Variants in NF1 observed in about 807,000 individuals in gnomAD.
NF1 encodes the protein neurofibromin 1, also known as neurofibromin.
A neutral mutation model predicts 325.7 loss-of-function variants in NF1; 122 were observed. The observed-to-expected ratio is 0.37, with a 90% CI of 0.32 to 0.44. NF1 has a LOEUF of 0.44. Ranked by LOEUF, NF1 falls within the 20% of genes least tolerant of loss-of-function variation. The probability of loss-of-function intolerance (pLI) is 1.00; values close to 1 mark genes in which losing one functional copy is unlikely to be tolerated. For synonymous variants in NF1, 1,091 were observed against 1,186.0 expected (o/e 0.92, Z 1.65); for missense variants, 2,140 against 3,415.4 (o/e 0.63, Z 9.31).
At chr17:31,338,591 A>ATC in intron 45 of NF1, 113 bp from the exon 46 acceptor site, 1 of 741,456 alleles carries the variant, frequency 1.3e-6, no homozygotes, top group South Asian at 1.6e-5. Context: ...ATGAGAAATC[A>ATC]TTCTAGCATT....
intron 36 of NF1, chr17:31,296,479 C>G: frequency 1.3e-6 from 1 of 766,592 alleles, no homozygotes; most frequent in South Asian, 1.5e-5. Context: ...ATTAAACTAA[C>G]AAAGCTCCCC....
chr17:31,107,448 A>T (rs1597566947), intron 1 of NF1, among the ~76,000 whole-genome samples: 1 of 152,190 alleles, frequency 6.6e-6, no homozygotes, highest in African/African-American at 2.4e-5. Flanking sequence ...AATTTTTTGT[A>T]GAGACGAGGT....
chr17:31,296,925 A>G (rs571396110), intron 36 of NF1: 1 of 153,460 alleles, frequency 6.5e-6, no homozygotes, highest in Non-Finnish European at 1.5e-5. Flanking sequence ...CTCACATTTT[A>G]TAAAGTGATT....
intron 1 of NF1, among the ~76,000 whole-genome samples, chr17:31,125,776 T>C (rs922245003): frequency 2.6e-5 from 4 of 152,090 alleles, no homozygotes; most frequent in African/African-American, 9.7e-5. Flanking sequence ...CCTCAAGTGA[T>C]CTGTCCACCT....
At chr17:31,330,207 A>T in intron 38 of NF1, 89 bp from the exon 39 acceptor site, 2 of 1,067,646 alleles carry the variant, frequency 1.9e-6, no homozygotes, top group South Asian at 1.3e-5. Flanking sequence ...ATACTTTGTA[A>T]CAGAATCACA....
intron 8 of NF1, 64 bp from the exon 9 acceptor site, chr17:31,200,355 ATAT>A (rs2066503923): frequency 4.1e-6 from 6 of 1,470,158 alleles, no homozygotes; most frequent in Admixed American, 1.7e-5. Context: ...ATTTGCTATA[ATAT>A]TAGCTACATC....
At chr17:31,103,042 C>T (rs540463818) in intron 1 of NF1, among the ~76,000 whole-genome samples, 2 of 151,826 alleles carry the variant, frequency 1.3e-5, no homozygotes, top group Admixed American at 6.6e-5. Flanking sequence ...GACAAGGGTT[C>T]GCCATGTTAG....
Position 31,336,932 on chromosome 17 carries a change from A to T in NF1, c.6427+18A>T, listed in dbSNP as rs2151555261. The T allele has an allele frequency of 6.2e-7, 1 of 1,604,794 alleles. No individual in the cohort carries two copies. On this transcript the variant is annotated intron_variant, in intron 42 of 57. Coordinates refer to ENST00000358273, the MANE Select transcript of NF1 (RefSeq NM_001042492.3). The surrounding 1 kb of genome is among the most constrained non-coding windows in gnomAD (Gnocchi z 5.5). ...TTTTAGTGGTAAGTTCTAGGAAAGG[A>T]ATTTGTGTTTACCAGTTCCTTTCTC...
chr17:31,198,892 TACAGGCA>T (rs1400024065), intron 8 of NF1, among the ~76,000 whole-genome samples: 8 of 152,194 alleles, frequency 5.3e-5, no homozygotes, highest in Non-Finnish European at 1.0e-4. Flanking sequence ...GTGCTGGGAT[TACAGGCA>T]TGAGCCACTG....
chr17:31,139,821 ATAT>A (rs1916085267), intron 1 of NF1, among the ~76,000 whole-genome samples: 1 of 152,198 alleles, frequency 6.6e-6, no homozygotes, highest in Non-Finnish European at 1.5e-5. Flanking sequence ...TATTGTAGAA[ATAT>A]TATTTTACAG....
Position 31,295,135 on chromosome 17 carries a change from G to A in NF1, c.4835+29796G>A, listed in dbSNP as rs762492487. 10 of 1,614,156 alleles carry A rather than the reference G, an allele frequency of 6.2e-6. No homozygotes were observed. The South Asian group carries it at 7.7e-5, about 12-fold the overall frequency. ...TTGTCTCTTCCCTCCATAAGTTAAGGGTTGTGCTTTGTTGAGGCATTTCAG... is the reference window on the plus strand; with the variant it reads ...TTGTCTCTTCCCTCCATAAGTTAAGAGTTGTGCTTTGTTGAGGCATTTCAG... On this transcript the variant is annotated intron_variant, in intron 36 of 57. Coordinates refer to ENST00000358273, the MANE Select transcript of NF1 (RefSeq NM_001042492.3).
chr17:31,244,230 C>T (rs1214994811), intron 29 of NF1, among the ~76,000 whole-genome samples: 1 of 152,108 alleles, frequency 6.6e-6, no homozygotes, highest in East Asian at 1.9e-4. Flanking sequence ...TGTATTTGAA[C>T]AGAGGGAAGG....
chr17:31,226,990 G>A (rs554950747), intron 18 of NF1, among the ~76,000 whole-genome samples: 64 of 152,292 alleles, frequency 4.2e-4, no homozygotes, highest in African/African-American at 7.9e-4. Flanking sequence ...AAACATTGGC[G>A]TATGTTTTGA....
At chr17:31,189,878 CA>C in intron 8 of NF1, among the ~76,000 whole-genome samples, 1 of 150,740 alleles carries the variant, frequency 6.6e-6, no homozygotes, top group African/African-American at 2.4e-5. Flanking sequence ...TCTCCTGCCT[CA>C]GCCTCCTGAG....
chr17:31,218,346 A>G (rs974279449), intron 13 of NF1, among the ~76,000 whole-genome samples: 6 of 152,174 alleles, frequency 3.9e-5, no homozygotes, highest in African/African-American at 1.4e-4. Context: ...CATTATTCAC[A>G]TTAATGAACA....
chr17:31,245,839 A>G (rs1034869407), intron 29 of NF1, among the ~76,000 whole-genome samples: 1 of 151,952 alleles, frequency 6.6e-6, no homozygotes, highest in Non-Finnish European at 1.5e-5. Context: ...TTGGTGATAA[A>G]CTCACCTTCA....
chr17:31,372,147 A>G (rs754389089), intron 57 of NF1, among the ~76,000 whole-genome samples: 3 of 152,224 alleles, frequency 2.0e-5, no homozygotes, highest in Non-Finnish European at 4.4e-5. Context: ...AAAGAAGAAT[A>G]AAGTACAAAT....
chr17:31,293,202 A>AAAAAAAAAAAAAAAAAAAAAC (rs1286642073), intron 36 of NF1, among the ~76,000 whole-genome samples: 1 of 144,482 alleles, frequency 6.9e-6, no homozygotes. Flanking sequence ...AAAAAAAAAA[A>AAAAAAAAAAAAAAAAAAAAAC]AAAAAAAAAG....
At chr17:31,337,006 T>A in intron 42 of NF1, 92 bp downstream of exon 42, 1 of 1,369,860 alleles carries the variant, frequency 7.3e-7, no homozygotes, top group Non-Finnish European at 1.0e-6. Context: ...ATGTTTGTGC[T>A]CTAACACCAA....
Sources: allele counts gnomAD v4.1 joint callset (sites outside exome capture counted in the v4.1 genomes callset), GRCh38; gene constraint gnomAD v4.1.1; non-coding constraint Gnocchi (gnomAD v3.1); transcripts MANE v1.5; gene names NCBI Gene and HGNC (gene_info 2026-07-23, HGNC 2026-07-21).